Variants in ITPR2 observed in about 807,000 individuals in gnomAD.
ITPR2 encodes inositol 1,4,5-trisphosphate receptor type 2.
In ITPR2, 207 loss-of-function variants were observed where a neutral mutation model predicts 317.1. The ratio of observed to expected loss-of-function variants is 0.65; its 90% CI spans 0.58 to 0.73. The LOEUF (loss-of-function observed/expected upper bound fraction) is 0.73. Ranked by LOEUF, ITPR2 falls within the 30% of genes least tolerant of loss-of-function variation. The probability of loss-of-function intolerance (pLI) is 0.00; values close to 1 mark genes in which losing one functional copy is unlikely to be tolerated. For synonymous variants in ITPR2, 1,156 were observed against 1,149.1 expected, an observed-to-expected ratio of 1.01 and a Z score of -0.12; for missense variants, 2,613 against 3,284.0, an observed-to-expected ratio of 0.80 and a Z score of 4.99.
intron 34 of ITPR2, among the ~76,000 whole-genome samples, chr12:26,573,237 C>T (rs1363455293): frequency 2.0e-5 from 3 of 152,014 alleles, no homozygotes; most frequent in African/African-American, 7.2e-5. Flanking sequence ...CATGAGCTAT[C>T]CTGCCTGGCT....
intron 54 of ITPR2, among the ~76,000 whole-genome samples, chr12:26,392,507 C>A (rs1939881752): frequency 6.6e-6 from 1 of 152,202 alleles, no homozygotes; most frequent in Non-Finnish European, 1.5e-5. Context: ...TGAAAATGTG[C>A]CTGTTTCCAT....
At chr12:26,630,268 T>G (rs1181336996) in intron 22 of ITPR2, among the ~76,000 whole-genome samples, 1 of 152,168 alleles carries the variant, frequency 6.6e-6, no homozygotes, top group African/African-American at 2.4e-5. Flanking sequence ...ATTAAAACTT[T>G]CATTTCTCTA....
intron 37 of ITPR2, among the ~76,000 whole-genome samples, chr12:26,548,749 T>C (rs1338575127): frequency 1.3e-5 from 2 of 152,058 alleles, no homozygotes; most frequent in Admixed American, 6.6e-5. Context: ...AGCAGTTCTG[T>C]CTCAGGAAAC....
intron 49 of ITPR2, among the ~76,000 whole-genome samples, chr12:26,422,958 G>C (rs1457840688): frequency 6.6e-6 from 1 of 152,080 alleles, no homozygotes; most frequent in African/African-American, 2.4e-5. Flanking sequence ...TCTACAGCAG[G>C]ACAAGGTTCT....
intron 46 of ITPR2, among the ~76,000 whole-genome samples, chr12:26,439,955 T>G (rs1048021918): frequency 1.3e-5 from 2 of 152,242 alleles, no homozygotes; most frequent in African/African-American, 4.8e-5. Context: ...GCTGAATATT[T>G]TCATACAGCT....
intron 1 of ITPR2, among the ~76,000 whole-genome samples, chr12:26,815,192 A>C (rs183570883): frequency 6.6e-5 from 10 of 152,282 alleles, no homozygotes; most frequent in Admixed American, 5.9e-4. Context: ...TTAGCCAGGC[A>C]TGATGGTGCA....
intron 33 of ITPR2, 137 bp from the exon 34 acceptor site, chr12:26,578,970 T>C (rs1565616812): frequency 2.6e-6 from 2 of 783,432 alleles, no homozygotes; most frequent in Non-Finnish European, 3.8e-6. Context: ...AGTTAATAAA[T>C]ATCTCATTCA....
intron 41 of ITPR2, among the ~76,000 whole-genome samples, chr12:26,485,507 T>C (rs996183515): frequency 5.9e-5 from 9 of 152,102 alleles, no homozygotes; most frequent in African/African-American, 2.2e-4. Context: ...GTACAAACAA[T>C]GCAAAAAAGA....
At chr12:26,568,110 G>A (rs1945062686) in intron 34 of ITPR2, among the ~76,000 whole-genome samples, 1 of 148,996 alleles carries the variant, frequency 6.7e-6, no homozygotes, top group South Asian at 2.1e-4. Flanking sequence ...CAATAAGGAA[G>A]AGCTAATAAA....
chr12:26,416,596 A>T (rs1021297), intron 50 of ITPR2, among the ~76,000 whole-genome samples: 134,589 of 152,178 alleles, frequency 0.88, 59,538 homozygotes, highest in East Asian at 0.97. Context: ...ATAATTGCTG[A>T]CTAGATATTA....
intron 32 of ITPR2, among the ~76,000 whole-genome samples, chr12:26,594,586 G>A (rs1945793867): frequency 6.6e-6 from 1 of 151,954 alleles, no homozygotes; most frequent in Non-Finnish European, 1.5e-5. Flanking sequence ...AGGCCAAAGG[G>A]GCTGAGTCCA....
At chr12:26,487,893 TTGCTTTGC>T (rs1229401349) in intron 39 of ITPR2, among the ~76,000 whole-genome samples, 2 of 152,234 alleles carry the variant, frequency 1.3e-5, no homozygotes, top group Non-Finnish European at 2.9e-5. Flanking sequence ...ATTAGCTACA[TTGCTTTGC>T]ATGGGGTCTC....
chr12:26,487,424 A>G (rs1351599674), intron 39 of ITPR2, among the ~76,000 whole-genome samples, 173 bp from the exon 40 acceptor site: 1 of 152,218 alleles, frequency 6.6e-6, no homozygotes, highest in Non-Finnish European at 1.5e-5. Flanking sequence ...ATGTGTACTA[A>G]TAATAGTTGG....
chr12:26,677,860 G>C (rs1027314100), intron 13 of ITPR2, among the ~76,000 whole-genome samples: 1 of 152,128 alleles, frequency 6.6e-6, no homozygotes, highest in Non-Finnish European at 1.5e-5. Flanking sequence ...AAATGATGTT[G>C]CTCAGAGAAG....
intron 2 of ITPR2, among the ~76,000 whole-genome samples, chr12:26,770,862 A>G (rs1357804171): frequency 2.6e-5 from 4 of 152,210 alleles, no homozygotes; most frequent in Non-Finnish European, 4.4e-5. Flanking sequence ...TCTGGAGGCC[A>G]AAAGTCCAAA....
At chr12:26,350,304 G>A (rs1335958768) in intron 55 of ITPR2, among the ~76,000 whole-genome samples, 1 of 152,192 alleles carries the variant, frequency 6.6e-6, no homozygotes, top group African/African-American at 2.4e-5. Flanking sequence ...TCATGGGTCA[G>A]AATTTCCATC....
intron 26 of ITPR2, among the ~76,000 whole-genome samples, chr12:26,617,083 G>C (rs190076804): frequency 6.6e-6 from 1 of 152,228 alleles, no homozygotes; most frequent in East Asian, 1.9e-4. Flanking sequence ...TTTTGAGGGA[G>C]TCAGAAGTTA....
At chr12:26,495,429 T>A (rs906880254) in intron 37 of ITPR2, 169 bp from the exon 38 acceptor site, 3 of 541,616 alleles carry the variant, frequency 5.5e-6, no homozygotes, top group African/African-American at 3.8e-5. Context: ...TGCATCCCAA[T>A]AAAATAATCA....
At chr12:26,801,660 G>C (rs1403576591) in intron 1 of ITPR2, among the ~76,000 whole-genome samples, 1 of 152,124 alleles carries the variant, frequency 6.6e-6, no homozygotes, top group Non-Finnish European at 1.5e-5. Context: ...GCGCTAACTA[G>C]AGATGTCAAG....
Sources: allele counts gnomAD v4.1 joint callset (sites outside exome capture counted in the v4.1 genomes callset), GRCh38; gene constraint gnomAD v4.1.1; transcripts MANE v1.5; gene names NCBI Gene and HGNC (gene_info 2026-07-23, HGNC 2026-07-21).